Variants in CCDC85C observed in about 807,000 individuals in gnomAD.
The protein encoded by CCDC85C is coiled-coil domain containing 85C.
Under a neutral mutation model 38.3 loss-of-function variants are expected in CCDC85C, and 18 were observed. That is an observed-to-expected ratio of 0.47 (90% confidence interval 0.33 to 0.70). CCDC85C has a LOEUF of 0.70. Ranked by LOEUF, CCDC85C falls within the 30% of genes least tolerant of loss-of-function variation. CCDC85C has a pLI of 0.03. For synonymous variants in CCDC85C, 264 were observed against 293.8 expected, an observed-to-expected ratio of 0.90 and a Z score of 1.04; for missense variants, 566 against 621.2, an observed-to-expected ratio of 0.91 and a Z score of 0.94.
chr14:99,582,216 G>A (rs542714933), intron 1 of CCDC85C, among the ~76,000 whole-genome samples: 70 of 152,258 alleles, frequency 4.6e-4, no homozygotes, highest in African/African-American at 1.7e-3. Context: ...TCAGAAAGGG[G>A]TAGGCGCGGC....
At chr14:99,595,638 G>C (rs544823093) in intron 1 of CCDC85C, among the ~76,000 whole-genome samples, 9 of 152,324 alleles carry the variant, frequency 5.9e-5, no homozygotes, top group African/African-American at 2.2e-4. Flanking sequence ...GAGGTTAAGA[G>C]CCCAACCTGG....
chr14:99,550,270 T>C (rs1050615488), intron 1 of CCDC85C, among the ~76,000 whole-genome samples: 1 of 152,198 alleles, frequency 6.6e-6, no homozygotes, highest in Admixed American at 6.5e-5. Context: ...CCAATCTAAC[T>C]GCATGAATGT....
At chr14:99,549,906 A>G (rs932170319) in intron 1 of CCDC85C, among the ~76,000 whole-genome samples, 1 of 152,162 alleles carries the variant, frequency 6.6e-6, no homozygotes, top group Non-Finnish European at 1.5e-5. Flanking sequence ...GTGCTGAGCA[A>G]TGCAAACAAC....
intron 1 of CCDC85C, among the ~76,000 whole-genome samples, chr14:99,600,755 G>A (rs530842158): frequency 1.2e-4 from 18 of 152,336 alleles, no homozygotes; most frequent in Admixed American, 8.5e-4. Context: ...CACATAAGGC[G>A]CAAGCCTGGT....
chr14:99,525,592 C>T (rs988865189), intron 2 of CCDC85C, among the ~76,000 whole-genome samples: 2 of 152,236 alleles, frequency 1.3e-5, no homozygotes, highest in Non-Finnish European at 2.9e-5. Flanking sequence ...GTCCGAGAGG[C>T]ACAAACAGAG....
chr14:99,510,948 A>G lies in CCDC85C; in HGVS notation c.*4298T>C. On this transcript the variant is annotated 3_prime_UTR_variant, in exon 6 of 6. Coordinates refer to ENST00000380243, the MANE Select transcript of CCDC85C (RefSeq NM_001144995.2). ...TAAAATCAGAGTGGTCCTCACACCT[A>G]GAGGACGGGGACAACCAGCTTTCAG... 2 of 525,216 alleles carry G rather than the reference A, an allele frequency of 3.8e-6. No individual in the cohort carries two copies. Among genetic ancestry groups the G allele is most frequent in the Non-Finnish European group, 6.0e-6 (2 of 335,070 alleles). The allele number at this position is 525,216 out of a possible 1,614,324, so 32.5% of individuals were successfully genotyped here.
In CCDC85C at chr14:99,592,213, A is replaced by G. The variant is rs60378576; in HGVS notation, c.793+10954T>C. 2.6e-4 allele frequency among the ~76,000 whole-genome samples: 39 copies of G among 152,292 alleles called. No homozygotes were observed. The East Asian group carries it at 6.6e-3, about 26-fold the overall frequency. On this transcript the variant is annotated intron_variant, in intron 1 of 5. Transcript: ENST00000380243. ...GTACAGCTGCATGTCATTTAATTGTAATGAAAGTGAATTGAAGCAGCTACA... is the reference window on the plus strand; with the variant it reads ...GTACAGCTGCATGTCATTTAATTGTGATGAAAGTGAATTGAAGCAGCTACA...
chr14:99,551,540 G>A (rs1473824991), intron 1 of CCDC85C, among the ~76,000 whole-genome samples: 1 of 151,538 alleles, frequency 6.6e-6, no homozygotes, highest in Non-Finnish European at 1.5e-5. Context: ...TGTGCAGGTG[G>A]GTGGGCAGGT....
rs1333026734 is a variant in CCDC85C at position 99,552,473 on chromosome 14, A to T, written c.794-16385T>A. 2.0e-5 allele frequency among the ~76,000 whole-genome samples: 3 copies of T among 152,342 alleles called. No homozygotes were observed. The East Asian group carries it at 5.8e-4, about 29-fold the overall frequency. ...TCTGTGCTGGCTGAGTGTGTTGGGCAGGAGTGTCTCTGCCCAAGCCTCAGT... is the reference window on the plus strand; with the variant it reads ...TCTGTGCTGGCTGAGTGTGTTGGGCTGGAGTGTCTCTGCCCAAGCCTCAGT... On this transcript the variant is annotated intron_variant, in intron 1 of 5. Transcript: ENST00000380243.
chr14:99,533,899 G>A lies in CCDC85C; in HGVS notation c.867+2116C>T, dbSNP rs907782785. ...AGGGCTGCTCCTCCACAGCCCGCTT[G>A]GGCGCAGGTTTTCTGCAAGTCCGTG... On this transcript the variant is annotated intron_variant, in intron 2 of 5. Coordinates refer to ENST00000380243, the MANE Select transcript of CCDC85C (RefSeq NM_001144995.2). The surrounding 1 kb of genome is among the most constrained non-coding windows in gnomAD (Gnocchi z 4.2). Among the ~76,000 whole-genome samples, 1 of 152,254 alleles carries A rather than the reference G, an allele frequency of 6.6e-6. No individual in the cohort carries two copies. The highest frequency in any genetic ancestry group is 2.4e-5 in the African/African-American group (1 of 41,472).
Position 99,516,956 on chromosome 14 carries a change from T to G in CCDC85C, c.1071+132A>C. On this transcript the variant is annotated intron_variant, in intron 4 of 5. Coordinates refer to ENST00000380243, the MANE Select transcript of CCDC85C (RefSeq NM_001144995.2). This position sits in a 1 kb window ranked among gnomAD's most constrained non-coding sequence, Gnocchi z 5.5. ...CTCACAGTGCTCCAGGCAGCCATGGTCACCCAGCCACCCACACACAGATGA... is the reference window on the plus strand; with the variant it reads ...CTCACAGTGCTCCAGGCAGCCATGGGCACCCAGCCACCCACACACAGATGA... 1.2e-6 allele frequency: 1 copy of G among 829,460 alleles called. No homozygotes were observed. The highest frequency in any genetic ancestry group is 2.0e-6 in the Non-Finnish European group (1 of 496,540). 51.4% of individuals were successfully genotyped at this position (829,460 alleles called of 1,614,324 possible). A position where few individuals can be genotyped will look rare whatever the true frequency, so the allele number is the denominator to read the frequency against.
chr14:99,549,239 G>C (rs1031443676), intron 1 of CCDC85C, among the ~76,000 whole-genome samples: 1 of 152,236 alleles, frequency 6.6e-6, no homozygotes. Flanking sequence ...AAGGAAGAAA[G>C]TCTGGGCGGC....
intron 1 of CCDC85C, among the ~76,000 whole-genome samples, chr14:99,595,476 A>T (rs1343767878): frequency 5.9e-5 from 9 of 152,098 alleles, no homozygotes; most frequent in Non-Finnish European, 1.2e-4. Context: ...TGAACTCCTG[A>T]CCTCAGGTGA....
chr14:99,501,625 G>A lies in CCDC85C; in HGVS notation c.*13621C>T. ...GCCCTGCCGTGTCATGGTGTTGTGA[G>A]GTGCTGAAATTTTATCACCAGTCTG... On this transcript the variant is annotated 3_prime_UTR_variant, in exon 6 of 6. Coordinates refer to ENST00000380243, the MANE Select transcript of CCDC85C (RefSeq NM_001144995.2). The A allele has an allele frequency of 1.9e-6, 1 of 528,304 alleles. No individual in the cohort carries two copies. The highest frequency in any genetic ancestry group is 3.3e-6 in the Non-Finnish European group (1 of 301,090). The allele number at this position is 528,304 out of a possible 1,614,324, so 32.7% of individuals were successfully genotyped here. A position where few individuals can be genotyped will look rare whatever the true frequency, so the allele number is the denominator to read the frequency against.
chr14:99,593,115 C>T (rs1015040010), intron 1 of CCDC85C, among the ~76,000 whole-genome samples: 14 of 152,218 alleles, frequency 9.2e-5, no homozygotes, highest in African/African-American at 2.9e-4. Context: ...ATTAGGGAGC[C>T]GGGCCGGTGC....
chr14:99,603,711 C>A lies in CCDC85C; in HGVS notation c.249G>T (p.Glu83Asp). Reference sequence around the variant, plus strand: ...CGAGGAAGCAGCAGAGCTCGCGCAGCTCCTGGTTGTCGTCCTGCAGCCGCT... The same window carrying A: ...CGAGGAAGCAGCAGAGCTCGCGCAGATCCTGGTTGTCGTCCTGCAGCCGCT... ...VNQRLQDDNQ[E>D]LRELCCFLDD... The change falls in exon 1 of 6, where the codon GAG (glutamate) becomes GAT (aspartate). Residue 83 changes from glutamate (E) to aspartate (D), a missense_variant. By Grantham distance (45) the Glu-to-Asp change is conservative. Transcript: ENST00000380243. The surrounding 1 kb of genome is among the most constrained non-coding windows in gnomAD (Gnocchi z 7.5). 6.6e-7 allele frequency: 1 copy of A among 1,517,258 alleles called. No individual in the cohort carries two copies. The highest frequency in any genetic ancestry group is 8.8e-7 in the Non-Finnish European group (1 of 1,137,868). 94.0% of individuals were successfully genotyped at this position (1,517,258 alleles called of 1,614,324 possible). A position where few individuals can be genotyped will look rare whatever the true frequency, so the allele number is the denominator to read the frequency against.
rs141990454 is a variant in CCDC85C, at chr14:99,545,866, C to T, written c.794-9778G>A. On this transcript the variant is annotated intron_variant, in intron 1 of 5. Coordinates refer to ENST00000380243, the MANE Select transcript of CCDC85C (RefSeq NM_001144995.2). This position sits in a 1 kb window ranked among gnomAD's most constrained non-coding sequence, Gnocchi z 4.7. Reference sequence around the variant, plus strand: ...CCTGGGCATCAGTTTGCATTTTAAACGCCCTGTGGGTGATTCTAACATGCA... The same window carrying T: ...CCTGGGCATCAGTTTGCATTTTAAATGCCCTGTGGGTGATTCTAACATGCA... 5.8e-4 allele frequency among the ~76,000 whole-genome samples: 88 copies of T among 152,222 alleles called. 1 individual carries two copies. The South Asian group carries it at 7.9e-3, about 14-fold the overall frequency.
rs970952917 is a variant in CCDC85C, at chr14:99,548,468, C to A, written c.794-12380G>T. 6.6e-6 allele frequency among the ~76,000 whole-genome samples: 1 copy of A among 152,094 alleles called. No individual in the cohort carries two copies. The highest frequency in any genetic ancestry group is 2.1e-4 in the South Asian group (1 of 4,812). The stretch of plus-strand genomic sequence containing the variant: ...CGCAGCGGATCAGAGAGCAGCCTGG[C>A]GCGGTTTCCTGCAGCTGAAGATGCT... On this transcript the variant is annotated intron_variant, in intron 1 of 5. Transcript: ENST00000380243. This position sits in a 1 kb window ranked among gnomAD's most constrained non-coding sequence, Gnocchi z 4.9.
chr14:99,500,507 A>G lies in CCDC85C; in HGVS notation c.*14739T>C. On this transcript the variant is annotated 3_prime_UTR_variant, in exon 6 of 6. Coordinates refer to ENST00000380243, the MANE Select transcript of CCDC85C (RefSeq NM_001144995.2). Reference sequence around the variant, plus strand: ...GAGACTCATGTATGTATTGAAAATAATAATATTTTTAAGGATCTTTTGTTT... The same window carrying G: ...GAGACTCATGTATGTATTGAAAATAGTAATATTTTTAAGGATCTTTTGTTT... The G allele has an allele frequency of 2.6e-6, 1 of 388,250 alleles. No homozygotes were observed. The highest frequency in any genetic ancestry group is 2.1e-5 in the African/African-American group (1 of 47,058). The allele number at this position is 388,250 out of a possible 1,614,324, so 24.1% of individuals were successfully genotyped here. A position where few individuals can be genotyped will look rare whatever the true frequency, so the allele number is the denominator to read the frequency against.
Sources: gnomAD v4.1 joint callset for allele counts (sites outside exome capture counted in the v4.1 genomes callset) on GRCh38, gnomAD v4.1.1 for gene constraint, Gnocchi (gnomAD v3.1) non-coding constraint, MANE v1.5 for transcripts, NCBI Gene and HGNC (gene_info 2026-07-23, HGNC 2026-07-21) for gene names.